Variants in STXBP5L observed in about 807,000 individuals in gnomAD.
The protein encoded by STXBP5L is syntaxin-binding protein 5-like.
In STXBP5L, 65 loss-of-function variants were observed where a neutral mutation model predicts 144.5. The ratio of observed to expected loss-of-function variants is 0.45; its 90% confidence interval spans 0.37 to 0.55. STXBP5L has a LOEUF of 0.55. STXBP5L is among the 20% of genes least tolerant of loss of function. The pLI is 0.00. For synonymous variants in STXBP5L, 505 were observed against 469.6 expected (o/e 1.08, Z -0.97); for missense variants, 1,298 against 1,405.5 (o/e 0.92, Z 1.22).
At chr3:121,253,953 G>A (rs1018344803) in intron 15 of STXBP5L, among the ~76,000 whole-genome samples, 2 of 151,272 alleles carry the variant, frequency 1.3e-5, no homozygotes, top group African/African-American at 2.4e-5. Context: ...GCGCCCGGCC[G>A]CAAATTAATA....
In STXBP5L at chr3:121,057,699, C is replaced by T. The variant is rs146132874; in HGVS notation, c.470+12164C>T. On this transcript the variant is annotated intron_variant, in intron 5 of 26. Coordinates refer to ENST00000471454, the MANE Select transcript of STXBP5L (RefSeq NM_001308330.2). Reference sequence around the variant, plus strand: ...TGTACTATTCTATTTAATGGATATTCTGCAATTTGATTAACCATTCTATTT... The same window carrying T: ...TGTACTATTCTATTTAATGGATATTTTGCAATTTGATTAACCATTCTATTT... Among the ~76,000 whole-genome samples the T allele has an allele frequency of 9.2e-4, 140 of 152,010 alleles. 1 individual carries two copies. Among genetic ancestry groups the T allele is most frequent in the African/African-American group, 3.2e-3 (131 of 41,492 alleles).
chr3:121,024,348 TG>T (rs978084772), intron 3 of STXBP5L, among the ~76,000 whole-genome samples: 11 of 152,150 alleles, frequency 7.2e-5, no homozygotes, highest in African/African-American at 2.7e-4. Context: ...GGAATTAGGA[TG>T]GGTCTAGAGT....
intron 20 of STXBP5L, among the ~76,000 whole-genome samples, chr3:121,343,292 T>C (rs952086804): frequency 1.6e-4 from 25 of 152,094 alleles, no homozygotes; most frequent in Non-Finnish European, 3.4e-4. Flanking sequence ...ATTTTGTAGG[T>C]TGGCTGTTCA....
At chr3:121,345,716 T>C (rs1015489545) in intron 20 of STXBP5L, among the ~76,000 whole-genome samples, 1 of 152,138 alleles carries the variant, frequency 6.6e-6, no homozygotes. Context: ...TGGCATGAGA[T>C]GGTATCTCAT....
At chr3:121,180,704 G>T (rs369201258) in intron 9 of STXBP5L, among the ~76,000 whole-genome samples, 2 of 152,016 alleles carry the variant, frequency 1.3e-5, no homozygotes, top group Non-Finnish European at 2.9e-5. Flanking sequence ...GTGAAACCCC[G>T]TCTCTACTGA....
chr3:121,320,556 G>A (rs1193825097), intron 20 of STXBP5L, among the ~76,000 whole-genome samples: 1 of 151,882 alleles, frequency 6.6e-6, no homozygotes, highest in Non-Finnish European at 1.5e-5. Flanking sequence ...TCATTGATAA[G>A]GCTTTCAATA....
At chr3:121,295,809 T>A (rs1482834018) in intron 19 of STXBP5L, among the ~76,000 whole-genome samples, 5 of 152,174 alleles carry the variant, frequency 3.3e-5, no homozygotes, top group African/African-American at 4.8e-5. Context: ...GAAATCAAAT[T>A]GAAAACATTT....
intron 3 of STXBP5L, among the ~76,000 whole-genome samples, chr3:120,958,824 A>G (rs1208966795): frequency 6.6e-6 from 1 of 152,214 alleles, no homozygotes; most frequent in Non-Finnish European, 1.5e-5. Context: ...AACTGGAAGC[A>G]TTCCCTTTGA....
intron 3 of STXBP5L, among the ~76,000 whole-genome samples, chr3:121,034,894 A>G (rs554540987): frequency 3.9e-4 from 59 of 151,990 alleles, no homozygotes; most frequent in Middle Eastern, 3.4e-3. Context: ...TTATTTTTTG[A>G]CTTTCTAATA....
At chr3:121,303,008 A>C (rs770680467) in intron 19 of STXBP5L, among the ~76,000 whole-genome samples, 1 of 152,246 alleles carries the variant, frequency 6.6e-6, no homozygotes, top group Non-Finnish European at 1.5e-5. Flanking sequence ...AAGCAATGGC[A>C]ACAAAAGCCA....
At chr3:121,409,918 A>G (rs969946922) in intron 23 of STXBP5L, among the ~76,000 whole-genome samples, 1 of 151,564 alleles carries the variant, frequency 6.6e-6, no homozygotes, top group African/African-American at 2.4e-5. Context: ...GAGACAGGAA[A>G]GTCGCTTAAG....
At chr3:120,966,172 C>T (rs1672558100) in intron 3 of STXBP5L, among the ~76,000 whole-genome samples, 1 of 152,072 alleles carries the variant, frequency 6.6e-6, no homozygotes, top group Non-Finnish European at 1.5e-5. Flanking sequence ...TCTAGTTAGC[C>T]ATTCATCTTA....
At chr3:121,362,148 T>TCG (rs973206534) in intron 20 of STXBP5L, among the ~76,000 whole-genome samples, 27 of 152,200 alleles carry the variant, frequency 1.8e-4, no homozygotes, top group African/African-American at 6.3e-4. Flanking sequence ...ACAGAGTCTC[T>TCG]CTCTCTCTCT....
intron 7 of STXBP5L, among the ~76,000 whole-genome samples, chr3:121,133,987 T>A (rs2045122779): frequency 6.6e-6 from 1 of 152,176 alleles, no homozygotes; most frequent in Admixed American, 6.5e-5. Flanking sequence ...GTGATTACAA[T>A]TTGAGATGAG....
chr3:121,050,789 C>T, intron 5 of STXBP5L, among the ~76,000 whole-genome samples: 1 of 152,092 alleles, frequency 6.6e-6, no homozygotes, highest in Non-Finnish European at 1.5e-5. Flanking sequence ...CACAGACTGG[C>T]AAATTGGATA....
chr3:121,157,389 T>C, intron 8 of STXBP5L, 115 bp from the exon 9 acceptor site: 1 of 1,137,088 alleles, frequency 8.8e-7, no homozygotes, highest in African/African-American at 1.6e-5. Context: ...ATTATGTTTT[T>C]TAAGTGTTGT....
At chr3:121,216,885 G>A (rs906162148) in intron 10 of STXBP5L, among the ~76,000 whole-genome samples, 5 of 152,188 alleles carry the variant, frequency 3.3e-5, no homozygotes, top group Non-Finnish European at 7.4e-5. Context: ...CCTGCCCAGA[G>A]AGGAGGAATC....
intron 2 of STXBP5L, among the ~76,000 whole-genome samples, chr3:120,914,142 T>C (rs1331744913): frequency 6.6e-6 from 1 of 152,012 alleles, no homozygotes; most frequent in Non-Finnish European, 1.5e-5. Flanking sequence ...TTTTAAATGA[T>C]CTTTTTGGGG....
intron 19 of STXBP5L, among the ~76,000 whole-genome samples, chr3:121,316,620 A>G (rs549005974): frequency 2.6e-4 from 39 of 152,330 alleles, no homozygotes; most frequent in African/African-American, 2.9e-4. Flanking sequence ...GATAATTTAT[A>G]TAAAGTATTT....
Sources: gnomAD v4.1 joint callset for allele counts (sites outside exome capture counted in the v4.1 genomes callset) on GRCh38, gnomAD v4.1.1 for gene constraint, MANE v1.5 for transcripts, NCBI Gene and HGNC (gene_info 2026-07-23, HGNC 2026-07-21) for gene names.